PSD3: variants seen among roughly 807,000 people sequenced by gnomAD.
PSD3 encodes pleckstrin and Sec7 domain containing 3, also known as PH and SEC7 domain-containing protein 3.
Under a neutral mutation model 105.5 loss-of-function variants are expected in PSD3, and 49 were observed. The observed-to-expected ratio is 0.46, with a 90% CI of 0.37 to 0.59. The LOEUF is 0.59. Ranked by LOEUF, PSD3 falls within the 20% of genes least tolerant of loss-of-function variation. The pLI, the probability that PSD3 is intolerant of heterozygous loss-of-function variation, is 0.00. For missense variants in PSD3, 1,561 were observed against 1,263.8 expected (o/e 1.24, Z -3.57); for synonymous variants, 557 against 457.8 (o/e 1.22, Z -2.77).
chr8:18,729,187 ACT>A (rs762853029), intron 9 of PSD3, among the ~76,000 whole-genome samples: 9 of 152,128 alleles, frequency 5.9e-5, no homozygotes, highest in Admixed American at 1.3e-4. Context: ...CCCCTTTGAG[ACT>A]CTGAACTAGT....
At chr8:18,919,126 A>C (rs143437918) in intron 2 of PSD3, among the ~76,000 whole-genome samples, 36 of 152,216 alleles carry the variant, frequency 2.4e-4, no homozygotes, top group Admixed American at 2.4e-3. Flanking sequence ...GTTTCTTAGG[A>C]TATTATGCCT....
intron 4 of PSD3, among the ~76,000 whole-genome samples, chr8:18,866,326 T>C (rs144678972): frequency 3.6e-4 from 55 of 152,314 alleles, no homozygotes; most frequent in African/African-American, 1.3e-3. Context: ...ATCTCAGAGA[T>C]ACAAGAAGTC....
intron 2 of PSD3, among the ~76,000 whole-genome samples, chr8:18,928,660 C>T (rs1449494637): frequency 6.6e-6 from 1 of 150,798 alleles, no homozygotes; most frequent in Non-Finnish European, 1.5e-5. Flanking sequence ...AGTGGGTGTT[C>T]TCTCTCTCTT....
chr8:18,593,530 T>C (rs1258994101), intron 12 of PSD3, among the ~76,000 whole-genome samples: 1 of 152,148 alleles, frequency 6.6e-6, no homozygotes, highest in Non-Finnish European at 1.5e-5. Context: ...TTGGTGGGAC[T>C]GTAAACTAGT....
At chr8:18,656,164 T>C (rs1406722117) in intron 9 of PSD3, among the ~76,000 whole-genome samples, 1 of 152,148 alleles carries the variant, frequency 6.6e-6, no homozygotes, top group Admixed American at 6.5e-5. Flanking sequence ...TTCAAGTGAT[T>C]CTCTTGCTTC....
At chr8:18,814,637 A>T (rs1812048548) in intron 4 of PSD3, among the ~76,000 whole-genome samples, 1 of 152,232 alleles carries the variant, frequency 6.6e-6, no homozygotes, top group Non-Finnish European at 1.5e-5. Context: ...CTCTTACTGG[A>T]TATCCAGCTT....
intron 4 of PSD3, among the ~76,000 whole-genome samples, chr8:18,846,135 A>G (rs565134210): frequency 1.3e-5 from 2 of 152,346 alleles, no homozygotes; most frequent in Non-Finnish European, 1.5e-5. Context: ...AGATTCCCTC[A>G]TGATCAAAAA....
In PSD3 at chr8:18,764,652, C is replaced by T. The variant is rs551979504; in HGVS notation, c.2172+797G>A. On this transcript the variant is annotated intron_variant, in intron 9 of 15. Transcript: ENST00000327040. ...TTCAACATTTCCATATCATATCATA[C>T]ATTTCCATACCATAGCTGATTCAAA... 5.3e-5 allele frequency among the ~76,000 whole-genome samples: 8 copies of T among 152,266 alleles called. No homozygotes were observed. The South Asian group carries it at 1.4e-3, about 28-fold the overall frequency.
intron 2 of PSD3, among the ~76,000 whole-genome samples, chr8:18,879,628 C>T (rs1159845878): frequency 6.6e-6 from 1 of 152,106 alleles, no homozygotes; most frequent in African/African-American, 2.4e-5. Flanking sequence ...CTCACTCTGA[C>T]ACCCAGCTGG....
intron 9 of PSD3, among the ~76,000 whole-genome samples, chr8:18,689,421 A>G (rs73199922): frequency 0.011 from 1,680 of 152,250 alleles, 17 homozygotes; most frequent in Non-Finnish European, 0.018. Context: ...CCATTAGTAG[A>G]AGGAGGTGAA....
rs549708901 is a variant in PSD3, at chr8:18,797,895, T to C, written c.2082+1400A>G. ...TGAAGGGAATTCTTCACGCTGGTGA[T>C]CACTGACTTGATTCAATGTTATATG... is the stretch of plus-strand genomic sequence containing the variant. On this transcript the variant is annotated intron_variant, in intron 8 of 15. Transcript: ENST00000327040. 7.9e-5 allele frequency among the ~76,000 whole-genome samples: 12 copies of C among 152,268 alleles called. 1 individual carries two copies. In the South Asian group the frequency reaches 2.5e-3, roughly 32 times the overall value.
At chr8:18,689,383 C>G (rs899287166) in intron 9 of PSD3, among the ~76,000 whole-genome samples, 1 of 152,122 alleles carries the variant, frequency 6.6e-6, no homozygotes, top group African/African-American at 2.4e-5. Flanking sequence ...GCAGACACTT[C>G]CCTCTTTGCT....
At chr8:19,058,299 A>G (rs1032130211) in intron 1 of PSD3, among the ~76,000 whole-genome samples, 1 of 151,994 alleles carries the variant, frequency 6.6e-6, no homozygotes, top group Non-Finnish European at 1.5e-5. Context: ...GGGAGAAAGT[A>G]TAAGTATAAA....
At chr8:18,673,454 A>C (rs944751058) in intron 9 of PSD3, among the ~76,000 whole-genome samples, 5 of 151,984 alleles carry the variant, frequency 3.3e-5, no homozygotes, top group African/African-American at 9.7e-5. Flanking sequence ...ATCTATCTCT[A>C]TGTCAACTTC....
At chr8:18,910,705 A>T (rs1820161679) in intron 2 of PSD3, among the ~76,000 whole-genome samples, 1 of 151,882 alleles carries the variant, frequency 6.6e-6, no homozygotes, top group South Asian at 2.1e-4. Flanking sequence ...CTTCCAAAGG[A>T]AAAATACAAA....
intron 9 of PSD3, among the ~76,000 whole-genome samples, chr8:18,698,878 T>C (rs150889697): frequency 8.4e-4 from 128 of 152,320 alleles, no homozygotes; most frequent in African/African-American, 2.9e-3. Context: ...AATAAAAAAG[T>C]ACTAGCTTTT....
intron 9 of PSD3, among the ~76,000 whole-genome samples, chr8:18,686,457 G>C (rs1257600195): frequency 1.3e-5 from 2 of 152,206 alleles, no homozygotes; most frequent in African/African-American, 2.4e-5. Flanking sequence ...GTCAGGGAGA[G>C]AAAGTTTTCT....
At chr8:19,044,047 T>G (rs1316266261) in intron 1 of PSD3, among the ~76,000 whole-genome samples, 1 of 152,160 alleles carries the variant, frequency 6.6e-6, no homozygotes, top group African/African-American at 2.4e-5. Context: ...CTGCCCCTAC[T>G]GCACAGGCCT....
At chr8:18,960,290 TAAGA>T (rs1351866042) in intron 1 of PSD3, among the ~76,000 whole-genome samples, 2 of 152,170 alleles carry the variant, frequency 1.3e-5, no homozygotes, top group Non-Finnish European at 2.9e-5. Context: ...GAAGGAATCT[TAAGA>T]AAGAGAACGC....
Sources: allele counts gnomAD v4.1 joint callset (sites outside exome capture counted in the v4.1 genomes callset), GRCh38; gene constraint gnomAD v4.1.1; transcripts MANE v1.5; gene names NCBI Gene and HGNC (gene_info 2026-07-23, HGNC 2026-07-21).